NGDN: variants seen among roughly 807,000 people sequenced by gnomAD.
NGDN encodes the protein neuroguidin.
NGDN carries 41 observed loss-of-function variants against 45.2 expected under a neutral mutation model. That is an observed-to-expected ratio of 0.91 (90% CI 0.71 to 1.18). NGDN has a LOEUF of 1.18. NGDN is among the 50% of genes most tolerant of loss of function. The probability of loss-of-function intolerance (pLI) is 0.00; values close to 1 mark genes in which losing one functional copy is unlikely to be tolerated. For missense variants in NGDN, 402 were observed against 399.9 expected, an observed-to-expected ratio of 1.01 and a Z score of -0.05; for synonymous variants, 137 against 130.9, an observed-to-expected ratio of 1.05 and a Z score of -0.32.
intron 7 of NGDN, 23 bp from the exon 8 acceptor site, chr14:23,476,216 C>T (rs754842033): frequency 8.7e-6 from 14 of 1,613,812 alleles, no homozygotes; most frequent in East Asian, 2.2e-5. Flanking sequence ...TCTTGGATAA[C>T]CCTGCTTATT....
At chr14:23,470,163 C>T (rs1893741412) in intron 2 of NGDN, 62 bp downstream of exon 2, 2 of 1,436,172 alleles carry the variant, frequency 1.4e-6, no homozygotes, top group Admixed American at 3.4e-5. Flanking sequence ...GTGTACTTCA[C>T]CTCAAAACTT....
chr14:23,473,007 TTTG>T (rs1371807546), intron 3 of NGDN, among the ~76,000 whole-genome samples: 2 of 152,092 alleles, frequency 1.3e-5, no homozygotes, highest in Non-Finnish European at 2.9e-5. Flanking sequence ...TTTGTTTTGT[TTTG>T]TTTCGTTGAG....
At chr14:23,474,819 G>T (rs943504854) in intron 3 of NGDN, among the ~76,000 whole-genome samples, 7 of 152,322 alleles carry the variant, frequency 4.6e-5, no homozygotes, top group African/African-American at 1.7e-4. Context: ...CAAGGATGCT[G>T]CTGGAAACCT....
In NGDN at chr14:23,478,132, T is replaced by C; in HGVS notation, c.*106T>C. On this transcript the variant is annotated 3_prime_UTR_variant, in exon 11 of 11. Coordinates refer to ENST00000408901, the MANE Select transcript of NGDN (RefSeq NM_001042635.2). Reference sequence around the variant, plus strand: ...ATTCATTAATTGTTTGCTTTGGACATGTGGAAAGAGCCTTACTAATAAAAT... The same window carrying C: ...ATTCATTAATTGTTTGCTTTGGACACGTGGAAAGAGCCTTACTAATAAAAT... 1.8e-6 allele frequency: 2 copies of C among 1,136,192 alleles called. No homozygotes were observed. Among genetic ancestry groups the C allele is most frequent in the South Asian group, 2.6e-5 (2 of 76,012 alleles). The allele number at this position is 1,136,192 out of a possible 1,614,324, so 70.4% of individuals were successfully genotyped here.
rs998845212 is a variant in NGDN at position 23,470,990 on chromosome 14, C to T, written c.144+13C>T. 2.7e-6 allele frequency: 4 copies of T among 1,502,908 alleles called. No homozygotes were observed. Among genetic ancestry groups the T allele is most frequent in the African/African-American group, 1.4e-5 (1 of 69,208 alleles). 93.1% of individuals were successfully genotyped at this position (1,502,908 alleles called of 1,614,324 possible). On this transcript the variant is annotated intron_variant, in intron 3 of 10. Transcript: ENST00000408901. Reference sequence around the variant, plus strand: ...TCCTACAGAAAAGGTAAGATGTACTCAAACAGTAAGCATCCCCTGACTTAA... The same window carrying T: ...TCCTACAGAAAAGGTAAGATGTACTTAAACAGTAAGCATCCCCTGACTTAA...
Position 23,475,785 on chromosome 14 carries a change from G to C in NGDN, c.420+7G>C, listed in dbSNP as rs750590875. The C allele has an allele frequency of 1.2e-6, 2 of 1,611,770 alleles. No homozygotes were observed. The highest frequency in any genetic ancestry group is 1.7e-6 in the Non-Finnish European group (2 of 1,179,662). The stretch of plus-strand genomic sequence containing the variant: ...CAGCAATATGATGAGCAAGGTAAGG[G>C]GTTGTAGTATTCTCCTGATTTTTTT... On this transcript the variant is annotated splice_region_variant and intron_variant, in intron 6 of 10. Coordinates refer to ENST00000408901, the MANE Select transcript of NGDN (RefSeq NM_001042635.2).
intron 1 of NGDN, 23 bp from the exon 2 acceptor site, chr14:23,470,019 T>C: frequency 6.2e-7 from 1 of 1,612,892 alleles, no homozygotes; most frequent in Non-Finnish European, 8.5e-7. Flanking sequence ...GACTTTTCTT[T>C]ACGCCTCCTC....
chr14:23,475,120 G>T (rs1266159482), intron 3 of NGDN, 51 bp from the exon 4 acceptor site: 3 of 1,570,242 alleles, frequency 1.9e-6, no homozygotes, highest in Non-Finnish European at 1.7e-6. Flanking sequence ...CTTTCATCTG[G>T]TTCTTTGGCT....
At chr14:23,478,306 AT>A, downstream of NGDN, 1 of 378,044 alleles carries the variant, frequency 2.6e-6, no homozygotes, top group Admixed American at 4.3e-5. Context: ...TTGATAATAT[AT>A]TTTTCCCAAA....
At chr14:23,470,846 A>G (rs894520587) in intron 2 of NGDN, 60 bp from the exon 3 acceptor site, 2 of 1,357,172 alleles carry the variant, frequency 1.5e-6, no homozygotes, top group East Asian at 2.6e-5. Context: ...TTTGCTCTTC[A>G]CAGTTTGCAG....
Position 23,475,305 on chromosome 14 carries a change from C to T in NGDN, c.279C>T (p.Arg93=), listed in dbSNP as rs2236261. ...HDAVLRLVEI[R]TVLEKLRPLD... ...CAGTTTTGAGACTGGTGGAGATTCG[C>T]ACGGTATGAAGCATTTGGCTTCTTG... The change falls in exon 4 of 11, where the codon CGC becomes CGT. Residue 93 remains arginine, a synonymous_variant. Coordinates refer to ENST00000408901, the MANE Select transcript of NGDN (RefSeq NM_001042635.2). The T allele has an allele frequency of 6.2e-7, 1 of 1,611,420 alleles. No individual in the cohort carries two copies. Among genetic ancestry groups the T allele is most frequent in the Non-Finnish European group, 8.5e-7 (1 of 1,179,022 alleles).
rs190115944 is a variant in NGDN at position 23,476,535 on chromosome 14, A to T, written c.713+128A>T. 415 of 940,456 alleles carry T rather than the reference A, an allele frequency of 4.4e-4. 1 individual carries two copies. The African/African-American group carries it at 5.7e-3, about 13-fold the overall frequency. 58.3% of individuals were successfully genotyped at this position (940,456 alleles called of 1,614,324 possible). On this transcript the variant is annotated intron_variant, in intron 8 of 10. Coordinates refer to ENST00000408901, the MANE Select transcript of NGDN (RefSeq NM_001042635.2). ...TAGAAAATGGAGTGAAAACTTTGGG[A>T]TGATAGTTTCTAAGAATCAGGAGTT... is the stretch of plus-strand genomic sequence containing the variant.
intron 8 of NGDN, among the ~76,000 whole-genome samples, chr14:23,476,885 A>T (rs144313792): frequency 6.6e-6 from 1 of 152,244 alleles, no homozygotes; most frequent in African/African-American, 2.4e-5. Flanking sequence ...ATGGATTTGC[A>T]TGAAAGGACA....
chr14:23,474,982 C>G (rs1893863185), intron 3 of NGDN, among the ~76,000 whole-genome samples, 189 bp from the exon 4 acceptor site: 1 of 152,098 alleles, frequency 6.6e-6, no homozygotes, highest in Non-Finnish European at 1.5e-5. Flanking sequence ...AGCGTTGTTT[C>G]TCTTGTATTA....
rs772880607 is a variant in NGDN, at chr14:23,477,456, C to T, written c.871-47C>T. 8 of 1,612,598 alleles carry T rather than the reference C, an allele frequency of 5.0e-6. No individual in the cohort carries two copies. In the African/African-American group the frequency reaches 1.1e-4, roughly 22 times the overall value. On this transcript the variant is annotated intron_variant, in intron 9 of 10. Coordinates refer to ENST00000408901, the MANE Select transcript of NGDN (RefSeq NM_001042635.2). ...TGAGGAACTTGGGAAGGGATGCTGG[C>T]TCTCAGAACCACAGTGCCATTCCAT...
intron 1 of NGDN, 74 bp downstream of exon 1, chr14:23,469,801 C>A: frequency 6.4e-7 from 1 of 1,569,432 alleles, no homozygotes; most frequent in Non-Finnish European, 8.8e-7. Context: ...TGGAGGCAAA[C>A]TGTTGGTACC....
intron 3 of NGDN, chr14:23,471,347 G>A (rs1893773448): frequency 5.3e-6 from 1 of 190,444 alleles, no homozygotes; most frequent in African/African-American, 2.3e-5. Context: ...TAAGGGAAAG[G>A]AGTAAGTCAT....
intron 3 of NGDN, among the ~76,000 whole-genome samples, chr14:23,471,994 C>T (rs1893788236): frequency 6.6e-6 from 1 of 151,460 alleles, no homozygotes; most frequent in African/African-American, 2.4e-5. Context: ...GGTTTGAGAC[C>T]AGCCTGGGCA....
intron 2 of NGDN, 99 bp downstream of exon 2, chr14:23,470,200 CA>C: frequency 7.9e-6 from 8 of 1,012,684 alleles, no homozygotes; most frequent in South Asian, 1.3e-5. Flanking sequence ...TGAATGCTTC[CA>C]AAAACCTTAG....
Sources: allele counts gnomAD v4.1 joint callset (sites outside exome capture counted in the v4.1 genomes callset), GRCh38; gene constraint gnomAD v4.1.1; transcripts MANE v1.5; gene names NCBI Gene and HGNC (gene_info 2026-07-23, HGNC 2026-07-21).